SBF2: variants seen among roughly 807,000 people sequenced by gnomAD.
SBF2 encodes myotubularin-related protein 13.
A neutral mutation model predicts 225.2 loss-of-function variants in SBF2; 112 were observed. The ratio of observed to expected loss-of-function variants is 0.50; its 90% CI spans 0.43 to 0.58. SBF2 has a LOEUF of 0.58. Among genes scored for constraint, SBF2 ranks in the 20% least tolerant of loss-of-function variants. SBF2 has a pLI of 0.00. For synonymous variants in SBF2, 763 were observed against 773.3 expected (o/e 0.99, Z 0.22); for missense variants, 1,996 against 2,206.2 (o/e 0.90, Z 1.91).
At chr11:10,294,876 G>GCCTCGGCTTGCTTC (rs1964437026), upstream of SBF2, among the ~76,000 whole-genome samples, 1 of 152,210 alleles carries the variant, frequency 6.6e-6, no homozygotes, top group Non-Finnish European at 1.5e-5. Flanking sequence ...AGCCCCGCAC[G>GCCTCGGCTTGCTTC]CCTCGGCTTG....
chr11:10,131,129 A>G (rs1262308673), intron 2 of SBF2, among the ~76,000 whole-genome samples: 1 of 152,112 alleles, frequency 6.6e-6, no homozygotes, highest in Non-Finnish European at 1.5e-5. Flanking sequence ...CAACTATACT[A>G]TTTTACAACT....
intron 17 of SBF2, among the ~76,000 whole-genome samples, chr11:9,887,739 A>G (rs536359143): frequency 3.0e-4 from 46 of 152,118 alleles, no homozygotes; most frequent in Non-Finnish European, 5.6e-4. Flanking sequence ...TTTATTTTTA[A>G]GATTAATATT....
At chr11:10,101,598 G>A (rs545807519) in intron 2 of SBF2, among the ~76,000 whole-genome samples, 68 of 151,760 alleles carry the variant, frequency 4.5e-4, no homozygotes, top group African/African-American at 1.6e-3. Context: ...CTGGTATGCC[G>A]GCAAAAAGGG....
intron 16 of SBF2, among the ~76,000 whole-genome samples, chr11:9,917,001 A>G (rs1863154127): frequency 1.3e-5 from 2 of 151,728 alleles, no homozygotes; most frequent in South Asian, 4.1e-4. Flanking sequence ...GATTATACTT[A>G]GACATTTAAT....
chr11:9,922,298 G>T (rs899759714), intron 16 of SBF2, among the ~76,000 whole-genome samples: 1 of 152,032 alleles, frequency 6.6e-6, no homozygotes, highest in Non-Finnish European at 1.5e-5. Context: ...CAGCATCCAC[G>T]AGTGAGGCAT....
intron 9 of SBF2, among the ~76,000 whole-genome samples, chr11:9,995,811 G>A (rs111915972): frequency 0.062 from 7,801 of 124,922 alleles, 288 homozygotes; most frequent in Middle Eastern, 0.18. Context: ...CACCACACCC[G>A]GCTAATTTTT....
chr11:10,128,154 G>A lies in SBF2; in HGVS notation c.141+65748C>T, dbSNP rs188450758. ...AACTCGATTTTGGTGACTCTACAGC[G>A]CACTGGTGACAAACTTGAGAAAATA... On this transcript the variant is annotated intron_variant, in intron 2 of 39. Transcript: ENST00000256190. Among the ~76,000 whole-genome samples, 298 of 152,270 alleles carry A rather than the reference G, an allele frequency of 2.0e-3. 1 individual carries two copies. In the South Asian group the frequency reaches 0.027, roughly 14 times the overall value.
intron 2 of SBF2, among the ~76,000 whole-genome samples, chr11:10,185,729 T>C (rs771572723): frequency 6.6e-6 from 1 of 152,132 alleles, no homozygotes; most frequent in African/African-American, 2.4e-5. Context: ...TTCGTGTGCT[T>C]GTAGATCTCC....
At position 10,103,025 on chromosome 11, in the gene SBF2, A is replaced by G. The variant is rs1952378521; in HGVS notation, c.142-60044T>C. 2.0e-5 allele frequency among the ~76,000 whole-genome samples: 3 copies of G among 151,618 alleles called. No individual in the cohort carries two copies. The South Asian group carries it at 6.2e-4, about 31-fold the overall frequency. On this transcript the variant is annotated intron_variant, in intron 2 of 39. Coordinates refer to ENST00000256190, the MANE Select transcript of SBF2 (RefSeq NM_030962.4). ...TTTGCTTGCCTTTTGAGTAAACTACAAAAAATGGGGAGAGAGAAGAAACAG... is the reference window on the plus strand; with the variant it reads ...TTTGCTTGCCTTTTGAGTAAACTACGAAAAATGGGGAGAGAGAAGAAACAG...
intron 2 of SBF2, among the ~76,000 whole-genome samples, chr11:10,075,038 C>A (rs577509061): frequency 6.6e-6 from 1 of 152,234 alleles, no homozygotes; most frequent in African/African-American, 2.4e-5. Flanking sequence ...AGAATGAGAA[C>A]CCCTTACTTC....
chr11:9,784,657 T>C (rs1474665716), intron 37 of SBF2, among the ~76,000 whole-genome samples: 1 of 152,218 alleles, frequency 6.6e-6, no homozygotes, highest in Non-Finnish European at 1.5e-5. Context: ...GAATGATCAG[T>C]AGCCATCCTT....
intron 32 of SBF2, among the ~76,000 whole-genome samples, chr11:9,807,669 C>T (rs1016454023): frequency 1.3e-5 from 2 of 152,096 alleles, no homozygotes; most frequent in Non-Finnish European, 2.9e-5. Context: ...ACCATGTGCT[C>T]GATTTCAGGA....
chr11:9,782,329 C>T lies in SBF2; in HGVS notation c.5320-691G>A, dbSNP rs142848577. On this transcript the variant is annotated intron_variant, in intron 38 of 39. Transcript: ENST00000256190. ...AAAATGCTCAAAATATCTCAACAGGCGAGTCACAGAGAAATACAAATGATC... is the reference window on the plus strand; with the variant it reads ...AAAATGCTCAAAATATCTCAACAGGTGAGTCACAGAGAAATACAAATGATC... 3.8e-3 allele frequency among the ~76,000 whole-genome samples: 572 copies of T among 151,674 alleles called. 3 individuals carry two copies. Among genetic ancestry groups the T allele is most frequent in the South Asian group, 5.0e-3 (24 of 4,762 alleles).
intron 2 of SBF2, among the ~76,000 whole-genome samples, chr11:10,082,639 T>C (rs1951411181): frequency 6.6e-6 from 1 of 152,108 alleles, no homozygotes; most frequent in South Asian, 2.1e-4. Context: ...AAAAACCATA[T>C]GATCATCTCA....
chr11:10,121,575 A>C (rs929075133), intron 2 of SBF2, among the ~76,000 whole-genome samples: 2 of 152,216 alleles, frequency 1.3e-5, no homozygotes, highest in Non-Finnish European at 2.9e-5. Flanking sequence ...AACCAATTTT[A>C]CATATGACTA....
At chr11:9,842,558 C>T in intron 25 of SBF2, 67 bp downstream of exon 25, 2 of 1,532,294 alleles carry the variant, frequency 1.3e-6, no homozygotes, top group Non-Finnish European at 1.8e-6. Context: ...AGTGCAACTA[C>T]ATCTGAGTCT....
At chr11:10,096,341 GTA>G (rs1298936788) in intron 2 of SBF2, among the ~76,000 whole-genome samples, 9 of 145,374 alleles carry the variant, frequency 6.2e-5, no homozygotes, top group Admixed American at 2.8e-4. Context: ...ATAAGATTTA[GTA>G]TATAACAAAA....
chr11:10,294,344 G>C, upstream of SBF2: 1 of 331,464 alleles, frequency 3.0e-6, no homozygotes, highest in Non-Finnish European at 5.5e-6. Context: ...TGCGCTGGGG[G>C]AGTGGGCGGT....
intron 6 of SBF2, among the ~76,000 whole-genome samples, chr11:10,019,070 T>G (rs1365134505): frequency 6.6e-6 from 1 of 152,186 alleles, no homozygotes; most frequent in Non-Finnish European, 1.5e-5. Flanking sequence ...TGTTTTTCCA[T>G]TAGGCTAAAA....
Sources: allele counts gnomAD v4.1 joint callset (sites outside exome capture counted in the v4.1 genomes callset), GRCh38; gene constraint gnomAD v4.1.1; transcripts MANE v1.5; gene names NCBI Gene and HGNC (gene_info 2026-07-23, HGNC 2026-07-21).